Variants in MRE11 observed in about 807,000 individuals in gnomAD.
MRE11 encodes the protein double-strand break repair protein MRE11.
Under a neutral mutation model 91.7 loss-of-function variants are expected in MRE11, and 62 were observed. The observed-to-expected ratio is 0.68, with a 90% confidence interval of 0.55 to 0.84. MRE11 has a LOEUF of 0.84. Among genes scored for constraint, MRE11 ranks in the 40% least tolerant of loss-of-function variants. The pLI is 0.00. For missense variants in MRE11, 796 were observed against 852.9 expected, an observed-to-expected ratio of 0.93 and a Z score of 0.83; for synonymous variants, 273 against 271.4, an observed-to-expected ratio of 1.01 and a Z score of -0.06.
intron 4 of MRE11, among the ~76,000 whole-genome samples, chr11:94,481,547 A>G (rs1947013243): frequency 6.6e-6 from 1 of 152,206 alleles, no homozygotes; most frequent in South Asian, 2.1e-4. Context: ...AAATGTATGA[A>G]TCTTTTATGA....
Position 94,459,561 on chromosome 11 carries a change from T to C in MRE11, c.1347A>G (p.Leu449=), listed in dbSNP as rs1591672674. ...TAEKNVQLSL[L]TERGMGEAVQ... ...CTGCTTCACCCATCCCTCTTTCTGT[T>C]AGCAGTGAGAGCTGCACATTCTGTA... The change falls in exon 13 of 20, where the codon CTA becomes CTG. Residue 449 remains leucine, a synonymous_variant. Coordinates refer to ENST00000323929, the MANE Select transcript of MRE11 (RefSeq NM_005591.4). The C allele has an allele frequency of 6.2e-7, 1 of 1,614,024 alleles. No individual in the cohort carries two copies. Among genetic ancestry groups the C allele is most frequent in the African/African-American group, 1.3e-5 (1 of 75,074 alleles).
At chr11:94,490,986 C>T in intron 2 of MRE11, 21 bp from the exon 3 acceptor site, 1 of 1,267,846 alleles carries the variant, frequency 7.9e-7, no homozygotes, top group African/African-American at 1.5e-5. Flanking sequence ...AAAGAAGAAA[C>T]ATTTCAATAT....
At chr11:94,509,224 C>T in the MRE11 span, among the ~76,000 whole-genome samples, 3 of 151,972 alleles carry the variant, frequency 2.0e-5, no homozygotes, top group East Asian at 5.8e-4. Context: ...TTCTTGATAA[C>T]GTTTTAGAGT....
chr11:94,474,878 G>C (rs1277554577), intron 7 of MRE11, among the ~76,000 whole-genome samples: 1 of 151,954 alleles, frequency 6.6e-6, no homozygotes, highest in African/African-American at 2.4e-5. Context: ...CTTTGGCATA[G>C]TACAAAAAAA....
chr11:94,440,702 T>C (rs1945757555), intron 16 of MRE11, among the ~76,000 whole-genome samples: 1 of 152,208 alleles, frequency 6.6e-6, no homozygotes, highest in African/African-American at 2.4e-5. Flanking sequence ...GAAGCAGAGG[T>C]AAACAGGATT....
chr11:94,495,354 TAGG>T (rs372910316), upstream of MRE11, among the ~76,000 whole-genome samples: 8 of 152,274 alleles, frequency 5.3e-5, no homozygotes, highest in East Asian at 1.5e-3. Flanking sequence ...TATAGACAAG[TAGG>T]AGATAAATAT....
chr11:94,475,527 C>G, intron 7 of MRE11: 1 of 448,770 alleles, frequency 2.2e-6, no homozygotes. Context: ...TGTTTCATTG[C>G]CATCACTGTC....
intron 6 of MRE11, 58 bp downstream of exon 6, chr11:94,478,677 T>C (rs1205769083): frequency 3.8e-6 from 6 of 1,595,394 alleles, no homozygotes; most frequent in Admixed American, 1.7e-5. Flanking sequence ...ATCTCCAAAT[T>C]TCTCAATTGT....
upstream of MRE11, chr11:94,496,580 T>A (rs115478879): frequency 1.2e-3 from 1,141 of 965,544 alleles, 6 homozygotes; most frequent in African/African-American, 0.015. Flanking sequence ...GTTTTACTAA[T>A]AACTTTTGTA....
intron 3 of MRE11, among the ~76,000 whole-genome samples, 154 bp from the exon 4 acceptor site, chr11:94,486,238 T>G (rs898411984): frequency 2.0e-5 from 3 of 152,236 alleles, no homozygotes; most frequent in Non-Finnish European, 4.4e-5. Context: ...GGACTTTCAA[T>G]CTGGTAATTA....
At chr11:94,462,725 A>G (rs1946454042) in intron 11 of MRE11, among the ~76,000 whole-genome samples, 1 of 152,246 alleles carries the variant, frequency 6.6e-6, no homozygotes, top group Non-Finnish European at 1.5e-5. Flanking sequence ...CTGGCTAGCC[A>G]TATGTAGAAA....
the MRE11 span, chr11:94,498,936 G>A: frequency 1.1e-5 from 2 of 176,536 alleles, no homozygotes; most frequent in South Asian, 2.7e-4. Context: ...TAATTTAAAA[G>A]TCTTAAATAT....
intron 4 of MRE11, among the ~76,000 whole-genome samples, chr11:94,480,246 T>C (rs1490290511): frequency 6.6e-6 from 1 of 152,200 alleles, no homozygotes; most frequent in Non-Finnish European, 1.5e-5. Context: ...TAGCAATTTC[T>C]AGTGCATCTT....
chr11:94,447,913 T>C (rs886857644), intron 14 of MRE11, among the ~76,000 whole-genome samples: 1 of 152,042 alleles, frequency 6.6e-6, no homozygotes, highest in Non-Finnish European at 1.5e-5. Context: ...TAATACTTAT[T>C]ATCTGTCAGA....
At chr11:94,452,871 G>T (rs1946147913) in intron 14 of MRE11, among the ~76,000 whole-genome samples, 1 of 151,962 alleles carries the variant, frequency 6.6e-6, no homozygotes, top group Admixed American at 6.6e-5. Flanking sequence ...CCACTTTTAG[G>T]TATAGTAGAG....
At chr11:94,467,456 C>T (rs1360007557) in intron 10 of MRE11, among the ~76,000 whole-genome samples, 6 of 151,970 alleles carry the variant, frequency 3.9e-5, no homozygotes, top group African/African-American at 9.7e-5. Context: ...TGAGGTGACA[C>T]GGGAGCAGAC....
In MRE11 at chr11:94,460,938, T is replaced by G; in HGVS notation, c.1324A>C (p.Lys442Gln). ...AAATGTGAACTGTAAGAAATTACCT[T>G]CTCTGCGGTTTGAAAGTACTGTTTT... ...LVKQYFQTAE[K>Q]NVQLSLLTER... The change falls in exon 12 of 20, where the codon AAG becomes CAG. Residue 442 changes from lysine to glutamine, a missense_variant and splice_region_variant. Physicochemically the swap from Lys to Gln is moderately conservative, Grantham distance 53 (BLOSUM62 1). Transcript: ENST00000323929. The G allele has an allele frequency of 6.2e-7, 1 of 1,612,122 alleles. No homozygotes were observed. The highest frequency in any genetic ancestry group is 1.1e-5 in the South Asian group (1 of 91,032).
the MRE11 span, among the ~76,000 whole-genome samples, chr11:94,506,374 A>G: frequency 6.6e-6 from 1 of 152,126 alleles, no homozygotes; most frequent in Non-Finnish European, 1.5e-5. Context: ...AGTACCTTTT[A>G]TACTTATTTG....
In MRE11 at chr11:94,479,869, A is replaced by G. The variant is rs568677117; in HGVS notation, c.315-108T>C. The G allele has an allele frequency of 4.1e-5, 33 of 795,314 alleles. 2 individuals carry two copies. The South Asian group carries it at 4.6e-4, about 11-fold the overall frequency. The allele number at this position is 795,314 out of a possible 1,614,324, so 49.3% of individuals were successfully genotyped here. ...ATCATAGGCAAACTGCATAATCTAC[A>G]TTGGCATATGACCACTAGTTTAGAG... On this transcript the variant is annotated intron_variant, in intron 4 of 19. Coordinates refer to ENST00000323929, the MANE Select transcript of MRE11 (RefSeq NM_005591.4).
Sources: gnomAD v4.1 joint callset for allele counts (sites outside exome capture counted in the v4.1 genomes callset) on GRCh38, gnomAD v4.1.1 for gene constraint, MANE v1.5 for transcripts, NCBI Gene and HGNC (gene_info 2026-07-23, HGNC 2026-07-21) for gene names.